Variants in NLGN1 observed in about 807,000 individuals in gnomAD.
NLGN1 encodes the protein neuroligin 1.
Under a neutral mutation model 65.5 loss-of-function variants are expected in NLGN1, and 12 were observed. The ratio of observed to expected loss-of-function variants is 0.18; its 90% confidence interval spans 0.12 to 0.30. The LOEUF (loss-of-function observed/expected upper bound fraction) is 0.30, where lower values mean the gene tolerates loss of function less well. Ranked by LOEUF, NLGN1 falls within the 10% of genes least tolerant of loss-of-function variation. The pLI is 1.00. For missense variants in NLGN1, 750 were observed against 1,007.1 expected (o/e 0.74, Z 3.46); for synonymous variants, 350 against 359.5 (o/e 0.97, Z 0.30).
In NLGN1 at chr3:174,275,538, AG is replaced by A. The variant is rs765281931; in HGVS notation, c.859+13del. The A allele has an allele frequency of 6.2e-7, 1 of 1,606,476 alleles. No homozygotes were observed. Among genetic ancestry groups the A allele is most frequent in the East Asian group, 2.2e-5 (1 of 44,750 alleles). On this transcript the variant is annotated intron_variant, in intron 5 of 6. Coordinates refer to ENST00000457714, the Ensembl canonical transcript of NLGN1. ...GCAATTCAACCAAAGGTATTATGCA[AG>A]GTTGCAAATTTTGACAATTTTGGTG...
intron 4 of NLGN1, among the ~76,000 whole-genome samples, chr3:174,099,224 A>G (rs1039942552): frequency 4.6e-5 from 7 of 152,212 alleles, no homozygotes; most frequent in Non-Finnish European, 1.0e-4. Flanking sequence ...GATGATAAAC[A>G]CCTGGCTCGA....
intron 3 of NLGN1, among the ~76,000 whole-genome samples, chr3:173,722,241 CTT>C (rs58327862): frequency 0.038 from 3,773 of 100,206 alleles, 94 homozygotes; most frequent in South Asian, 0.084. Context: ...TCTTCTTCTT[CTT>C]TTTTTTTTTT....
intron 3 of NLGN1, among the ~76,000 whole-genome samples, chr3:173,708,621 A>G (rs1028676396): frequency 1.3e-5 from 2 of 152,190 alleles, no homozygotes; most frequent in African/African-American, 4.8e-5. Context: ...AAGGTATTGT[A>G]AACTGCGGGT....
intron 4 of NLGN1, among the ~76,000 whole-genome samples, chr3:173,861,231 G>A (rs911643707): frequency 6.6e-6 from 1 of 151,892 alleles, no homozygotes; most frequent in Non-Finnish European, 1.5e-5. Context: ...GAAAATAGAT[G>A]AGAGTTTGAA....
chr3:174,010,203 T>C (rs1362962350), intron 4 of NLGN1, among the ~76,000 whole-genome samples: 1 of 152,184 alleles, frequency 6.6e-6, no homozygotes, highest in African/African-American at 2.4e-5. Context: ...AACTCTATAA[T>C]GCTTTAGGCC....
chr3:173,616,266 A>G (rs1162342557), intron 3 of NLGN1, among the ~76,000 whole-genome samples: 1 of 151,996 alleles, frequency 6.6e-6, no homozygotes, highest in African/African-American at 2.4e-5. Flanking sequence ...CTTTTTTTGC[A>G]TGGATATCAG....
At chr3:173,748,540 A>G (rs1364999709) in intron 3 of NLGN1, among the ~76,000 whole-genome samples, 1 of 152,088 alleles carries the variant, frequency 6.6e-6, no homozygotes, top group East Asian at 1.9e-4. Flanking sequence ...GTATCTAAAT[A>G]AGGGAGGATG....
chr3:174,035,969 A>G (rs1010136891), intron 4 of NLGN1, among the ~76,000 whole-genome samples: 1 of 152,096 alleles, frequency 6.6e-6, no homozygotes, highest in East Asian at 1.9e-4. Flanking sequence ...CAAAATAGAC[A>G]ATATATTACT....
intron 3 of NLGN1, among the ~76,000 whole-genome samples, chr3:173,739,762 C>G (rs937619019): frequency 6.6e-6 from 1 of 152,080 alleles, no homozygotes; most frequent in African/African-American, 2.4e-5. Flanking sequence ...TCCTAGTACT[C>G]TAGAGTTTCA....
chr3:173,659,096 C>A (rs2149682540), intron 3 of NLGN1, among the ~76,000 whole-genome samples: 1 of 152,012 alleles, frequency 6.6e-6, no homozygotes, highest in African/African-American at 2.4e-5. Context: ...ACTTCTATTG[C>A]CACTACTCAT....
intron 3 of NLGN1, among the ~76,000 whole-genome samples, chr3:173,760,326 TATGACATGGTTATTGA>T: frequency 6.6e-6 from 1 of 152,082 alleles, no homozygotes; most frequent in South Asian, 2.1e-4. Context: ...TTTAGAAATT[TATGACATGGTTATTGA>T]ATACATGAAT....
chr3:173,572,296 C>G (rs1315373528), intron 2 of NLGN1, among the ~76,000 whole-genome samples: 1 of 152,204 alleles, frequency 6.6e-6, no homozygotes, highest in Non-Finnish European at 1.5e-5. Flanking sequence ...CCAAGGGATT[C>G]TAATGTGCAA....
intron 1 of NLGN1, among the ~76,000 whole-genome samples, chr3:173,434,191 A>G (rs922073667): frequency 1.3e-5 from 2 of 152,232 alleles, no homozygotes; most frequent in African/African-American, 4.8e-5. Context: ...GTTTAGACAT[A>G]TTCAAATTAC....
intron 2 of NLGN1, among the ~76,000 whole-genome samples, chr3:173,517,319 C>T (rs1357844440): frequency 6.6e-6 from 1 of 151,962 alleles, no homozygotes. Context: ...CAAACACAGA[C>T]CACTCATTGT....
intron 4 of NLGN1, among the ~76,000 whole-genome samples, chr3:174,195,749 A>G (rs1733289627): frequency 5.3e-5 from 8 of 152,120 alleles, no homozygotes. Context: ...AACCTGATTC[A>G]ACTTTTGGAA....
chr3:173,472,619 T>C (rs1002231794), intron 2 of NLGN1, among the ~76,000 whole-genome samples: 2 of 152,044 alleles, frequency 1.3e-5, no homozygotes, highest in African/African-American at 4.8e-5. Flanking sequence ...CTTGGACTTA[T>C]TAAAATTATC....
At chr3:173,432,289 GT>G (rs1306581623) in intron 1 of NLGN1, among the ~76,000 whole-genome samples, 2 of 152,190 alleles carry the variant, frequency 1.3e-5, no homozygotes, top group African/African-American at 2.4e-5. Flanking sequence ...AAGTACTTCT[GT>G]AAGAAATTAC....
At chr3:174,199,168 T>C (rs1159033679) in intron 4 of NLGN1, among the ~76,000 whole-genome samples, 1 of 152,144 alleles carries the variant, frequency 6.6e-6, no homozygotes, top group Non-Finnish European at 1.5e-5. Flanking sequence ...ATATTCATTT[T>C]ATGGAGCAGC....
At chr3:173,786,552 A>G (rs925045281) in intron 3 of NLGN1, among the ~76,000 whole-genome samples, 1 of 112,336 alleles carries the variant, frequency 8.9e-6, no homozygotes, top group Non-Finnish European at 1.8e-5. Context: ...TGTGTGTAAT[A>G]CACACACACA....
Sources: gnomAD v4.1 joint callset for allele counts (sites outside exome capture counted in the v4.1 genomes callset) on GRCh38, gnomAD v4.1.1 for gene constraint, MANE v1.5 for transcripts, NCBI Gene and HGNC (gene_info 2026-07-23, HGNC 2026-07-21) for gene names.